CBLN2: variants seen among roughly 807,000 people sequenced by gnomAD.
CBLN2 encodes the protein cerebellin-2.
Under a neutral mutation model 15.0 loss-of-function variants are expected in CBLN2, and 7 were observed. The observed-to-expected ratio is 0.47, with a 90% confidence interval of 0.27 to 0.88. The LOEUF (loss-of-function observed/expected upper bound fraction) is 0.88. Among genes scored for constraint, CBLN2 ranks in the 40% least tolerant of loss-of-function variants. The pLI, the probability that CBLN2 is intolerant of heterozygous loss-of-function variation, is 0.14. For missense variants in CBLN2, 242 were observed against 304.5 expected, an observed-to-expected ratio of 0.79 and a Z score of 1.53; for synonymous variants, 149 against 135.2, an observed-to-expected ratio of 1.10 and a Z score of -0.71.
chr18:72,583,553 C>A (rs1235003467), intron 1 of CBLN2, among the ~76,000 whole-genome samples: 5 of 152,076 alleles, frequency 3.3e-5, no homozygotes, highest in Non-Finnish European at 7.4e-5. Flanking sequence ...ATTTTTTCAA[C>A]TTAAAAACAT....
intron 1 of CBLN2, among the ~76,000 whole-genome samples, chr18:72,629,762 C>T (rs1241040670): frequency 1.3e-5 from 2 of 151,960 alleles, no homozygotes; most frequent in Non-Finnish European, 2.9e-5. Flanking sequence ...TACATAAATG[C>T]TGGATGGTAA....
intron 1 of CBLN2, among the ~76,000 whole-genome samples, chr18:72,600,565 G>A (rs546293773): frequency 6.6e-6 from 1 of 152,136 alleles, no homozygotes; most frequent in South Asian, 2.1e-4. Flanking sequence ...AGATAAGAAT[G>A]ATGAGAGTTA....
intron 1 of CBLN2, among the ~76,000 whole-genome samples, chr18:72,603,082 T>C (rs757463242): frequency 4.6e-5 from 7 of 152,274 alleles, no homozygotes; most frequent in African/African-American, 9.6e-5. Context: ...TTAAATGGTA[T>C]GTTACATGTA....
intron 1 of CBLN2, among the ~76,000 whole-genome samples, chr18:72,631,329 A>G (rs1034059914): frequency 1.5e-4 from 23 of 152,106 alleles, no homozygotes; most frequent in Admixed American, 6.5e-5. Context: ...GTTGGTTCAA[A>G]TTATATGGTC....
chr18:72,607,421 C>A (rs1259502164), intron 1 of CBLN2, among the ~76,000 whole-genome samples: 1 of 152,172 alleles, frequency 6.6e-6, no homozygotes, highest in African/African-American at 2.4e-5. Flanking sequence ...AGCATCTTTT[C>A]TAAGGAGAAA....
At chr18:72,629,385 G>A (rs1310743463) in intron 1 of CBLN2, among the ~76,000 whole-genome samples, 3 of 151,514 alleles carry the variant, frequency 2.0e-5, no homozygotes, top group Non-Finnish European at 4.4e-5. Flanking sequence ...CTTATATATA[G>A]TATTAGTATC....
intron 3 of CBLN2, among the ~76,000 whole-genome samples, chr18:72,541,032 A>G (rs1375059787): frequency 6.6e-6 from 1 of 152,238 alleles, no homozygotes; most frequent in African/African-American, 2.4e-5. Context: ...CTGAGCACCA[A>G]TAACCCAGAG....
intron 1 of CBLN2, among the ~76,000 whole-genome samples, chr18:72,553,690 A>G (rs1323152090): frequency 6.6e-6 from 1 of 152,160 alleles, no homozygotes; most frequent in Non-Finnish European, 1.5e-5. Context: ...TTGATACGCA[A>G]TCTAACCGTA....
chr18:72,637,335 C>A (rs1030057167), intron 1 of CBLN2, among the ~76,000 whole-genome samples: 2 of 151,836 alleles, frequency 1.3e-5, no homozygotes, highest in African/African-American at 4.8e-5. Flanking sequence ...TGGTTACCAG[C>A]TACCAGTCCC....
chr18:72,585,482 T>A (rs145105688), intron 1 of CBLN2, among the ~76,000 whole-genome samples: 75 of 152,160 alleles, frequency 4.9e-4, no homozygotes, highest in African/African-American at 1.6e-3. Flanking sequence ...CCAGAGTGGG[T>A]AGCTCCTAGC....
chr18:72,579,114 T>C (rs1028913752), intron 1 of CBLN2, among the ~76,000 whole-genome samples: 1 of 152,200 alleles, frequency 6.6e-6, no homozygotes, highest in Non-Finnish European at 1.5e-5. Context: ...AGAAGCAAGA[T>C]ATTGAATGAC....
upstream of CBLN2, chr18:72,544,454 G>A (rs1481861120): frequency 6.6e-6 from 1 of 152,200 alleles, no homozygotes; most frequent in East Asian, 1.9e-4. Flanking sequence ...CTCGGCTGAG[G>A]GCGCAAACAC....
intron 1 of CBLN2, among the ~76,000 whole-genome samples, chr18:72,569,758 C>T (rs867440063): frequency 2.0e-5 from 3 of 152,104 alleles, no homozygotes. Flanking sequence ...CACTCATCAC[C>T]AAGGGGAAGG....
chr18:72,609,299 T>C (rs1331589061), intron 1 of CBLN2, among the ~76,000 whole-genome samples: 1 of 152,058 alleles, frequency 6.6e-6, no homozygotes, highest in Non-Finnish European at 1.5e-5. Context: ...ATAAATAGGG[T>C]CTTTAAAGAT....
At chr18:72,538,984 A>G (rs1031102808) in intron 3 of CBLN2, 2 of 519,596 alleles carry the variant, frequency 3.8e-6, no homozygotes, top group South Asian at 3.2e-5. Context: ...ATTTTAATAA[A>G]TTGTAACTAA....
At chr18:72,581,557 C>A (rs2144918881) in intron 1 of CBLN2, among the ~76,000 whole-genome samples, 1 of 152,272 alleles carries the variant, frequency 6.6e-6, no homozygotes, top group Admixed American at 6.5e-5. Context: ...TGTTAACTTA[C>A]ACCTGTTTGG....
chr18:72,587,493 T>C (rs1195352208), intron 1 of CBLN2, among the ~76,000 whole-genome samples: 1 of 151,858 alleles, frequency 6.6e-6, no homozygotes, highest in Non-Finnish European at 1.5e-5. Context: ...GTTATTTAAC[T>C]ATAAAGAAAG....
chr18:72,611,542 C>T (rs2069622498), intron 1 of CBLN2, among the ~76,000 whole-genome samples: 1 of 152,118 alleles, frequency 6.6e-6, no homozygotes, highest in Admixed American at 6.6e-5. Context: ...CATATGTCTT[C>T]TTTTGAGAAG....
chr18:72,559,557 G>A (rs1055948802), intron 1 of CBLN2, among the ~76,000 whole-genome samples: 19 of 152,134 alleles, frequency 1.2e-4, no homozygotes, highest in East Asian at 1.9e-4. Flanking sequence ...TAATCACAGC[G>A]GAGTATGAAA....
Sources: gnomAD v4.1 joint callset for allele counts (sites outside exome capture counted in the v4.1 genomes callset) on GRCh38, gnomAD v4.1.1 for gene constraint, MANE v1.5 for transcripts, NCBI Gene and HGNC (gene_info 2026-07-23, HGNC 2026-07-21) for gene names.